Variants in DMD observed in about 807,000 individuals in gnomAD.
DMD encodes mutant dystrophin.
In DMD, 63 loss-of-function variants were observed where a neutral mutation model predicts 330.1. The ratio of observed to expected loss-of-function variants is 0.19; its 90% CI spans 0.16 to 0.24. The LOEUF is 0.24. Ranked by LOEUF, DMD falls within the 10% of genes least tolerant of loss-of-function variation. The probability of loss-of-function intolerance (pLI) is 1.00; values close to 1 mark genes in which losing one functional copy is unlikely to be tolerated. For missense variants in DMD, 3,344 were observed against 2,684.1 expected, an observed-to-expected ratio of 1.25 and a Z score of -5.43; for synonymous variants, 1,223 against 959.8, an observed-to-expected ratio of 1.27 and a Z score of -5.07.
chrX:32,806,566 C>T (rs2076961153), intron 7 of DMD, among the ~76,000 whole-genome samples: 1 of 111,447 alleles, frequency 9.0e-6, no homozygotes, highest in South Asian at 3.8e-4. Context: ...ATGTTCAGTA[C>T]TTGAACTCAG....
At chrX:32,614,475 AT>A in intron 11 of DMD, 22 bp from the exon 12 acceptor site, 2 of 1,174,302 alleles carry the variant, frequency 1.7e-6, no homozygotes, top group Non-Finnish European at 2.3e-6. Context: ...AAAGAAGCCT[AT>A]TATGACCTCT....
chrX:31,843,526 C>T (rs917975190), intron 48 of DMD, among the ~76,000 whole-genome samples: 1 of 111,710 alleles, frequency 9.0e-6, no homozygotes, highest in Non-Finnish European at 1.9e-5. Context: ...TGAGAAGTAT[C>T]TATATATTCA....
At chrX:32,135,934 A>G (rs1237287538) in intron 44 of DMD, among the ~76,000 whole-genome samples, 2 of 111,897 alleles carry the variant, frequency 1.8e-5, no homozygotes, top group African/African-American at 6.5e-5. Context: ...TCTGGATGAC[A>G]TGTTATAATT....
At position 32,947,841 on chromosome X, in the gene DMD, G is replaced by A. The variant is rs1471715683; in HGVS notation, c.93+72298C>T. Among the ~76,000 whole-genome samples the A allele has an allele frequency of 3.6e-5, 4 of 111,152 alleles. No homozygotes were observed. In the Admixed American group the frequency reaches 3.9e-4, roughly 11 times the overall value. On this transcript the variant is annotated intron_variant, in intron 2 of 78. Coordinates refer to ENST00000357033, the MANE Select transcript of DMD (RefSeq NM_004006.3). ...AGGAATGCATAAACACATGGGAGGT[G>A]GGGTGGAGCGGAAACCCAGCTTCCA...
chrX:31,689,512 A>G (rs2082954936), intron 52 of DMD, among the ~76,000 whole-genome samples: 1 of 112,119 alleles, frequency 8.9e-6, no homozygotes, highest in African/African-American at 3.2e-5. Flanking sequence ...CATGGATAGG[A>G]AGAATCAATA....
At chrX:31,561,648 T>C (rs2075205684) in intron 55 of DMD, among the ~76,000 whole-genome samples, 1 of 112,302 alleles carries the variant, frequency 8.9e-6, no homozygotes, top group Non-Finnish European at 1.9e-5. Flanking sequence ...ACTACAACTC[T>C]AATAATAATA....
chrX:31,179,125 G>A (rs1203833889), intron 69 of DMD, among the ~76,000 whole-genome samples: 1 of 112,305 alleles, frequency 8.9e-6, no homozygotes, highest in Non-Finnish European at 1.9e-5. Context: ...AGGTCTTAAG[G>A]TCAAAAAGGT....
intron 44 of DMD, chrX:32,206,728 A>G (rs2097070839): frequency 4.6e-5 from 22 of 475,310 alleles, no homozygotes; most frequent in Non-Finnish European, 7.7e-5. Flanking sequence ...CAGTGGAGGA[A>G]GTCTCTCTAA....
At chrX:31,527,252 C>A (rs1381520879) in intron 55 of DMD, among the ~76,000 whole-genome samples, 1 of 111,923 alleles carries the variant, frequency 8.9e-6, no homozygotes, top group African/African-American at 3.3e-5. Flanking sequence ...TTTAGCTATT[C>A]TTGGTAGGCA....
chrX:31,550,127 C>A (rs1445075434), intron 55 of DMD, among the ~76,000 whole-genome samples: 1 of 111,391 alleles, frequency 9.0e-6, no homozygotes, highest in Non-Finnish European at 1.9e-5. Flanking sequence ...TTCAGGAATT[C>A]CCTGGAGATA....
intron 52 of DMD, among the ~76,000 whole-genome samples, chrX:31,705,116 C>T (rs1172440711): frequency 8.9e-6 from 1 of 112,273 alleles, no homozygotes; most frequent in Non-Finnish European, 1.9e-5. Flanking sequence ...AGGGAAGTGA[C>T]ACCGTCTAAT....
intron 1 of DMD, among the ~76,000 whole-genome samples, chrX:33,233,821 T>A (rs1294762286): frequency 8.9e-6 from 1 of 111,742 alleles, no homozygotes; most frequent in Non-Finnish European, 1.9e-5. Flanking sequence ...ACTGGGAAAA[T>A]CTGAATTAGA....
At chrX:31,278,985 G>A (rs1359495114) in intron 62 of DMD, among the ~76,000 whole-genome samples, 1 of 111,829 alleles carries the variant, frequency 8.9e-6, no homozygotes, top group Non-Finnish European at 1.9e-5. Flanking sequence ...CAGCCATGGG[G>A]GTATTAAGCA....
chrX:32,935,564 A>G (rs2089955651), intron 2 of DMD, among the ~76,000 whole-genome samples: 1 of 112,030 alleles, frequency 8.9e-6, no homozygotes, highest in African/African-American at 3.2e-5. Context: ...TATTATGAAC[A>G]CTGTAGCTAC....
intron 13 of DMD, among the ~76,000 whole-genome samples, chrX:32,592,179 C>A (rs1397302677): frequency 9.0e-6 from 1 of 111,366 alleles, no homozygotes; most frequent in East Asian, 2.8e-4. Context: ...CACAGAGAAA[C>A]CCCTCCTTCA....
At chrX:32,190,376 G>C (rs1167118892) in intron 44 of DMD, among the ~76,000 whole-genome samples, 1 of 108,242 alleles carries the variant, frequency 9.2e-6, no homozygotes, top group Non-Finnish European at 1.9e-5. Flanking sequence ...TTTGTGCAAT[G>C]CTATACCGCC....
At chrX:32,310,891 C>T (rs1444199595) in intron 41 of DMD, among the ~76,000 whole-genome samples, 1 of 110,477 alleles carries the variant, frequency 9.1e-6, no homozygotes, top group Non-Finnish European at 1.9e-5. Context: ...GAACTGACTG[C>T]GGAATTTATA....
chrX:32,190,587 TCAC>T (rs1377133358), intron 44 of DMD, among the ~76,000 whole-genome samples: 3 of 95,591 alleles, frequency 3.1e-5, no homozygotes, highest in East Asian at 3.4e-4. Context: ...TATATATATT[TCAC>T]CACAAGATTT....
chrX:32,874,892 C>G (rs2083265563), intron 2 of DMD, among the ~76,000 whole-genome samples: 1 of 111,379 alleles, frequency 9.0e-6, no homozygotes, highest in African/African-American at 3.3e-5. Flanking sequence ...TTCAGCCATT[C>G]TCACAATGGC....
Sources: gnomAD v4.1 joint callset for allele counts (sites outside exome capture counted in the v4.1 genomes callset) on GRCh38, gnomAD v4.1.1 for gene constraint, MANE v1.5 for transcripts, NCBI Gene and HGNC (gene_info 2026-07-23, HGNC 2026-07-21) for gene names.